DLG2: variants seen among roughly 807,000 people sequenced by gnomAD.
The protein encoded by DLG2 is discs large MAGUK scaffold protein 2, also known as disks large homolog 2.
A neutral mutation model predicts 132.5 loss-of-function variants in DLG2; 45 were observed. That is an observed-to-expected ratio of 0.34 (90% CI 0.27 to 0.44). The LOEUF is 0.44. Ranked by LOEUF, DLG2 falls within the 20% of genes least tolerant of loss-of-function variation. The pLI, the probability that DLG2 is intolerant of heterozygous loss-of-function variation, is 1.00. For missense variants in DLG2, 1,045 were observed against 1,196.9 expected (o/e 0.87, Z 1.87); for synonymous variants, 424 against 419.6 (o/e 1.01, Z -0.13).
intron 6 of DLG2, among the ~76,000 whole-genome samples, chr11:85,042,932 T>G (rs2061999598): frequency 6.6e-6 from 1 of 151,944 alleles, no homozygotes; most frequent in Non-Finnish European, 1.5e-5. Flanking sequence ...TTGTATCTAC[T>G]GTTGATAGTA....
intron 16 of DLG2, among the ~76,000 whole-genome samples, chr11:83,853,611 C>T (rs1172164220): frequency 6.6e-6 from 1 of 152,136 alleles, no homozygotes; most frequent in Non-Finnish European, 1.5e-5. Flanking sequence ...TCTCACTTGA[C>T]TCTGAGATTC....
intron 24 of DLG2, among the ~76,000 whole-genome samples, chr11:83,470,418 T>C (rs10898124): frequency 0.28 from 43,285 of 152,070 alleles, 6,178 homozygotes; most frequent in African/African-American, 0.31. Flanking sequence ...CGTTTAACTT[T>C]CTTTTTAGTG....
chr11:84,390,446 G>C (rs2098788620), intron 7 of DLG2, among the ~76,000 whole-genome samples: 1 of 152,180 alleles, frequency 6.6e-6, no homozygotes, highest in South Asian at 2.1e-4. Context: ...GGTTAGGCTT[G>C]AATGCCAGGT....
At chr11:84,000,259 T>C (rs1218453776) in intron 11 of DLG2, among the ~76,000 whole-genome samples, 1 of 151,890 alleles carries the variant, frequency 6.6e-6, no homozygotes, top group Non-Finnish European at 1.5e-5. Context: ...CAACACTAGA[T>C]TAGATGAAGA....
At chr11:84,997,307 C>A (rs2057748130) in intron 6 of DLG2, 1 of 152,170 alleles carries the variant, frequency 6.6e-6, no homozygotes, top group Admixed American at 6.6e-5. Flanking sequence ...AAATTCTCTC[C>A]ATTTTCAGTT....
intron 6 of DLG2, among the ~76,000 whole-genome samples, chr11:84,688,131 T>A (rs1178737690): frequency 2.0e-5 from 3 of 152,156 alleles, no homozygotes; most frequent in African/African-American, 4.8e-5. Flanking sequence ...GGAAACAGCA[T>A]GAGAACATGA....
chr11:84,232,690 C>T (rs2097109250), intron 8 of DLG2, among the ~76,000 whole-genome samples: 1 of 152,166 alleles, frequency 6.6e-6, no homozygotes, highest in South Asian at 2.1e-4. Context: ...GCAAGACAGG[C>T]CTCACCAGAA....
intron 7 of DLG2, among the ~76,000 whole-genome samples, chr11:84,398,183 T>C (rs1433150116): frequency 6.6e-6 from 1 of 152,190 alleles, no homozygotes; most frequent in Non-Finnish European, 1.5e-5. Context: ...ACAAATATGA[T>C]TGTGACAAGA....
At chr11:83,633,661 CT>C (rs2063989315) in intron 18 of DLG2, among the ~76,000 whole-genome samples, 1 of 151,186 alleles carries the variant, frequency 6.6e-6, no homozygotes, top group African/African-American at 2.4e-5. Flanking sequence ...GTAAAGTATC[CT>C]TGTGGTGATG....
At chr11:84,096,356 A>G (rs117948209) in intron 10 of DLG2, among the ~76,000 whole-genome samples, 1 of 152,258 alleles carries the variant, frequency 6.6e-6, no homozygotes, top group East Asian at 1.9e-4. Context: ...CATTATCAAT[A>G]TTATCTTTTC....
intron 6 of DLG2, among the ~76,000 whole-genome samples, chr11:84,770,234 T>A (rs1252241338): frequency 6.6e-6 from 1 of 152,196 alleles, no homozygotes; most frequent in African/African-American, 2.4e-5. Flanking sequence ...TGAGGCCTCC[T>A]CAGAAGCTGA....
intron 4 of DLG2, among the ~76,000 whole-genome samples, chr11:85,214,166 C>T (rs1055234209): frequency 1.3e-5 from 2 of 152,168 alleles, no homozygotes; most frequent in African/African-American, 4.8e-5. Flanking sequence ...GGAGATTTCT[C>T]ATCTTCCCAG....
chr11:84,631,605 G>A (rs938206125), intron 6 of DLG2, among the ~76,000 whole-genome samples: 1 of 151,796 alleles, frequency 6.6e-6, no homozygotes, highest in Non-Finnish European at 1.5e-5. Flanking sequence ...AAATGTCCTA[G>A]GATCTCAGCA....
At chr11:84,087,765 T>C (rs534041589) in intron 10 of DLG2, among the ~76,000 whole-genome samples, 2 of 152,114 alleles carry the variant, frequency 1.3e-5, no homozygotes, top group Non-Finnish European at 2.9e-5. Flanking sequence ...CCTTTTGAAG[T>C]TGGGAAAAGG....
chr11:85,464,030 C>T (rs113016690), intron 3 of DLG2, among the ~76,000 whole-genome samples: 7 of 18,154 alleles, frequency 3.9e-4, no homozygotes, highest in East Asian at 1.8e-3. Flanking sequence ...ACACGCCCCC[C>T]GAGAGAGAGA....
intron 21 of DLG2, among the ~76,000 whole-genome samples, chr11:83,503,411 A>G (rs2094542777): frequency 1.6e-5 from 2 of 124,818 alleles, no homozygotes; most frequent in African/African-American, 6.5e-5. Context: ...ATATATATAT[A>G]TATATATATA....
intron 19 of DLG2, among the ~76,000 whole-genome samples, chr11:83,587,556 T>A (rs1323766167): frequency 6.6e-6 from 1 of 152,178 alleles, no homozygotes; most frequent in Non-Finnish European, 1.5e-5. Flanking sequence ...TAGGCAAATG[T>A]GCTACTTTTA....
chr11:83,785,440 C>G (rs1472117179), intron 18 of DLG2, among the ~76,000 whole-genome samples: 1 of 152,224 alleles, frequency 6.6e-6, no homozygotes, highest in Non-Finnish European at 1.5e-5. Flanking sequence ...TCAAAACTAT[C>G]TGAGAAGAGA....
In DLG2 at chr11:84,428,286, G is replaced by T. The variant is rs2098973383; in HGVS notation, c.519+106284C>A. 3.3e-5 allele frequency among the ~76,000 whole-genome samples: 5 copies of T among 152,232 alleles called. No individual in the cohort carries two copies. The South Asian group carries it at 1.0e-3, about 32-fold the overall frequency. ...GAACTTACATATTTTGAATAAAAAA[G>T]AACACTATTTCTACCCGGTGTTGAT... On this transcript the variant is annotated intron_variant, in intron 7 of 27. Transcript: ENST00000376104.
Sources: allele counts gnomAD v4.1 joint callset (sites outside exome capture counted in the v4.1 genomes callset), GRCh38; gene constraint gnomAD v4.1.1; transcripts MANE v1.5; gene names NCBI Gene and HGNC (gene_info 2026-07-23, HGNC 2026-07-21).